MYLK: variants seen among roughly 807,000 people sequenced by gnomAD.
MYLK encodes the protein myosin light chain kinase, smooth muscle.
Under a neutral mutation model 203.4 loss-of-function variants are expected in MYLK, and 106 were observed. That is an observed-to-expected ratio of 0.52 (90% CI 0.45 to 0.61). MYLK has a LOEUF of 0.61. Ranked by LOEUF, MYLK falls within the 20% of genes least tolerant of loss-of-function variation. MYLK has a pLI of 0.00. For synonymous variants in MYLK, 867 were observed against 959.5 expected, an observed-to-expected ratio of 0.90 and a Z score of 1.78; for missense variants, 2,072 against 2,442.3, an observed-to-expected ratio of 0.85 and a Z score of 3.20.
At chr3:123,810,168 G>A (rs1312138326) in intron 3 of MYLK, among the ~76,000 whole-genome samples, 1 of 152,192 alleles carries the variant, frequency 6.6e-6, no homozygotes, top group Admixed American at 6.5e-5. Flanking sequence ...AATAAGGTGA[G>A]AGGTTCAACT....
intron 4 of MYLK, among the ~76,000 whole-genome samples, chr3:123,766,899 C>A (rs911510058): frequency 6.6e-5 from 10 of 152,290 alleles, no homozygotes; most frequent in African/African-American, 2.2e-4. Flanking sequence ...ACCTTGCCTG[C>A]GGTTGTTCTC....
At position 123,700,144 on chromosome 3, in the gene MYLK, A is replaced by C; in HGVS notation, c.3324T>G (p.His1108Gln). Residue 1108 changes from histidine (H) to glutamine (Q), a missense_variant, in exon 18 of 34, where the codon CAT (histidine) becomes CAG (glutamine). His to Gln is a conservative substitution (Grantham distance 24). Around this residue, in one of 3 missense-constraint regions of MYLK, gnomAD observed 865 missense variants for 1,016.0 expected, o/e 0.85. Coordinates refer to ENST00000360304, the MANE Select transcript of MYLK (RefSeq NM_053025.4). The part of the protein sequence containing the change: ...PAFKQKLQDV[H>Q]VAEGKKLLLQ... The stretch of plus-strand genomic sequence containing the variant: ...GCAGCAGCTTCTTGCCCTCTGCCAC[A>C]TGAACATCTTGCAGCTTCTGCTTGA... 6.2e-7 allele frequency: 1 copy of C among 1,613,942 alleles called. No individual in the cohort carries two copies. The highest frequency in any genetic ancestry group is 1.1e-5 in the South Asian group (1 of 91,060).
intron 2 of MYLK, among the ~76,000 whole-genome samples, chr3:123,847,506 T>C (rs533008009): frequency 3.9e-5 from 6 of 152,150 alleles, no homozygotes; most frequent in African/African-American, 1.4e-4. Flanking sequence ...GCGAGCCTGA[T>C]GTTACTGTGT....
rs540934321 is a variant in MYLK at position 123,798,979 on chromosome 3, G to A, written c.-3-5135C>T. On this transcript the variant is annotated intron_variant, in intron 3 of 33. Coordinates refer to ENST00000360304, the MANE Select transcript of MYLK (RefSeq NM_053025.4). ...CTATATTCCAATCAAGAAAACCAGA[G>A]AGGTTGGGTGATTTCTACAATAATT... 5.3e-4 allele frequency among the ~76,000 whole-genome samples: 81 copies of A among 152,304 alleles called. 1 individual carries two copies. The South Asian group carries it at 0.013, about 24-fold the overall frequency.
chr3:123,692,057 A>G (rs771457018), intron 19 of MYLK, among the ~76,000 whole-genome samples: 6 of 152,186 alleles, frequency 3.9e-5, no homozygotes, highest in Non-Finnish European at 8.8e-5. Context: ...AAGGAGAGAA[A>G]AAAGAGTCAT....
In MYLK at chr3:123,614,197, C is replaced by G. The variant is rs1467373591; in HGVS notation, c.5653G>C (p.Val1885Leu). The G allele has an allele frequency of 6.2e-7, 1 of 1,614,124 alleles. No individual in the cohort carries two copies. The highest frequency in any genetic ancestry group is 1.1e-5 in the South Asian group (1 of 91,078). ...CAGGTGGCTTCTCCAAGACTGTTGA[C>G]AGCCTTGCAGGTGTACTTGGCATCG... ...DDDAKYTCKAVNSLGEATCTA... is the reference protein window; with the variant it reads ...DDDAKYTCKALNSLGEATCTA... Residue 1885 changes from valine (V) to leucine (L), a missense_variant, in exon 34 of 34, where the codon GTC becomes CTC. Transcript: ENST00000360304.
chr3:123,737,373 G>C lies in MYLK; in HGVS notation c.754+5C>G. The C allele has an allele frequency of 6.2e-7, 1 of 1,614,116 alleles. No individual in the cohort carries two copies. Among genetic ancestry groups the C allele is most frequent in the Non-Finnish European group, 8.5e-7 (1 of 1,180,020 alleles). On this transcript the variant is annotated splice_donor_5th_base_variant and intron_variant, in intron 8 of 33. Transcript: ENST00000360304. ...GTTCTGCACTAGCCGTCCACTGGTC[G>C]ATACCTTGGATGGAAAGTTCAGCTG...
intron 2 of MYLK, among the ~76,000 whole-genome samples, chr3:123,831,937 G>T (rs1002667856): frequency 6.6e-6 from 1 of 152,178 alleles, no homozygotes; most frequent in Admixed American, 6.5e-5. Flanking sequence ...TGGTACTCAG[G>T]GTAGATTGCA....
chr3:123,710,412 A>G (rs2061645414), intron 13 of MYLK, among the ~76,000 whole-genome samples: 1 of 152,200 alleles, frequency 6.6e-6, no homozygotes, highest in Non-Finnish European at 1.5e-5. Context: ...GCATCCCTTT[A>G]ACAATACATC....
At chr3:123,826,592 C>T (rs1453640145) in intron 3 of MYLK, among the ~76,000 whole-genome samples, 1 of 152,242 alleles carries the variant, frequency 6.6e-6, no homozygotes, top group Non-Finnish European at 1.5e-5. Context: ...GACAGGCACA[C>T]TAGGTTGGCC....
intron 13 of MYLK, among the ~76,000 whole-genome samples, chr3:123,718,300 A>G (rs1254957706): frequency 2.0e-5 from 3 of 152,160 alleles, no homozygotes; most frequent in African/African-American, 7.2e-5. Context: ...GCTCTCATCC[A>G]TTCAGGGAAT....
chr3:123,877,083 G>T (rs369480763), intron 1 of MYLK, among the ~76,000 whole-genome samples: 7 of 152,150 alleles, frequency 4.6e-5, no homozygotes, highest in South Asian at 4.1e-4. Context: ...AATGTTTAAG[G>T]ATAGAAGAAC....
chr3:123,640,605 G>GT lies in MYLK; in HGVS notation c.4620-102_4620-101insA. ...AGGCTGGGGGTAGGAGAAATTGGCA[G>GT]GAAAGCCCAGGGAATGGGGGTGATG... is the stretch of plus-strand genomic sequence containing the variant. On this transcript the variant is annotated intron_variant, in intron 27 of 33. Coordinates refer to ENST00000360304, the MANE Select transcript of MYLK (RefSeq NM_053025.4). This position sits in a 1 kb window ranked among gnomAD's most constrained non-coding sequence, Gnocchi z 4.3. 2 of 1,255,018 alleles carry GT rather than the reference G, an allele frequency of 1.6e-6. No individual in the cohort carries two copies. Among genetic ancestry groups the GT allele is most frequent in the South Asian group, 2.5e-5 (2 of 81,396 alleles). 77.7% of individuals were successfully genotyped at this position (1,255,018 alleles called of 1,614,324 possible).
At chr3:123,637,937 C>T in intron 29 of MYLK, 134 bp downstream of exon 29, 1 of 1,359,406 alleles carries the variant, frequency 7.4e-7, no homozygotes. Flanking sequence ...GAGCCTGCCA[C>T]CCTCCTGACT....
chr3:123,624,584 T>C (rs1335617360), intron 31 of MYLK: 2 of 152,262 alleles, frequency 1.3e-5, no homozygotes, highest in Non-Finnish European at 2.9e-5. Context: ...TTCCCTATCC[T>C]TTCCAGAAAT....
At chr3:123,702,681 A>C (rs1454236367) in intron 16 of MYLK, among the ~76,000 whole-genome samples, 2 of 152,224 alleles carry the variant, frequency 1.3e-5, no homozygotes, top group Admixed American at 6.5e-5. Context: ...TAAGGTAAGA[A>C]ATATGAGGCT....
chr3:123,848,492 G>A (rs1361020006), intron 2 of MYLK, among the ~76,000 whole-genome samples: 5 of 151,766 alleles, frequency 3.3e-5, no homozygotes, highest in African/African-American at 1.2e-4. Flanking sequence ...GTTTGGGAAG[G>A]CAATACACCA....
chr3:123,784,840 G>A (rs2064448800), intron 4 of MYLK, among the ~76,000 whole-genome samples: 1 of 152,198 alleles, frequency 6.6e-6, no homozygotes, highest in Admixed American at 6.5e-5. Flanking sequence ...GGGGCGGACT[G>A]CAAGCCCCAC....
intron 4 of MYLK, among the ~76,000 whole-genome samples, chr3:123,791,399 C>G (rs2064775596): frequency 6.6e-6 from 1 of 152,226 alleles, no homozygotes; most frequent in South Asian, 2.1e-4. Flanking sequence ...CTCTCTTCTT[C>G]TGGGATCATG....
Sources: gnomAD v4.1 joint callset for allele counts (sites outside exome capture counted in the v4.1 genomes callset) on GRCh38, gnomAD v4.1.1 for gene constraint, gnomAD v4.1.1 regional missense constraint, Gnocchi (gnomAD v3.1) non-coding constraint, MANE v1.5 for transcripts, NCBI Gene and HGNC (gene_info 2026-07-23, HGNC 2026-07-21) for gene names.